Variants in RORA observed in about 807,000 individuals in gnomAD.
RORA encodes nuclear receptor ROR-alpha.
A neutral mutation model predicts 69.5 loss-of-function variants in RORA; 7 were observed. The observed-to-expected ratio is 0.10, with a 90% confidence interval of 0.06 to 0.19. The LOEUF is 0.19. RORA is among the 10% of genes least tolerant of loss of function. RORA has a pLI of 1.00. For synonymous variants in RORA, 261 were observed against 240.8 expected (o/e 1.08, Z -0.78); for missense variants, 457 against 663.0 (o/e 0.69, Z 3.41).
intron 1 of RORA, among the ~76,000 whole-genome samples, chr15:60,895,421 A>G (rs911819493): frequency 2.0e-5 from 3 of 152,262 alleles, no homozygotes; most frequent in African/African-American, 4.8e-5. Context: ...AAAATCTCCT[A>G]TAAAGGCTCT....
At chr15:60,882,832 T>C (rs1465851066) in intron 1 of RORA, among the ~76,000 whole-genome samples, 1 of 152,170 alleles carries the variant, frequency 6.6e-6, no homozygotes, top group Non-Finnish European at 1.5e-5. Flanking sequence ...ACTTACTGAT[T>C]TTATAAGCAG....
chr15:60,732,822 C>T lies in RORA; in HGVS notation c.167-54136G>A, dbSNP rs116122514. ...ACATACACTCACATACTTACAGCTA[C>T]GCACACACACGTGCACTTACATGCT... On this transcript the variant is annotated intron_variant, in intron 1 of 10. Transcript: ENST00000335670. Among the ~76,000 whole-genome samples, 67 of 151,606 alleles carry T rather than the reference C, an allele frequency of 4.4e-4. 1 individual carries two copies. The highest frequency in any genetic ancestry group is 1.3e-3 in the African/African-American group (54 of 40,928).
chr15:61,106,586 C>A (rs2078950995), intron 1 of RORA, among the ~76,000 whole-genome samples: 1 of 152,168 alleles, frequency 6.6e-6, no homozygotes, highest in African/African-American at 2.4e-5. Flanking sequence ...CCTTCCTTAA[C>A]CATTCTGGAC....
intron 1 of RORA, among the ~76,000 whole-genome samples, chr15:60,731,087 A>T (rs1459788391): frequency 6.6e-6 from 1 of 152,122 alleles, no homozygotes; most frequent in Non-Finnish European, 1.5e-5. Flanking sequence ...TCTGTCATAT[A>T]TTGAGGCTAA....
chr15:61,156,321 T>C (rs372585080), intron 1 of RORA, among the ~76,000 whole-genome samples: 1 of 152,186 alleles, frequency 6.6e-6, no homozygotes, highest in Non-Finnish European at 1.5e-5. Context: ...AATGGTCCAA[T>C]AGTGTGGAAA....
intron 1 of RORA, among the ~76,000 whole-genome samples, chr15:60,758,598 A>G (rs1207885253): frequency 6.6e-6 from 1 of 152,148 alleles, no homozygotes; most frequent in Non-Finnish European, 1.5e-5. Context: ...GGTAACAGCT[A>G]ATGCCAAGGA....
chr15:60,790,012 T>C (rs1464682035), intron 1 of RORA, among the ~76,000 whole-genome samples: 1 of 152,204 alleles, frequency 6.6e-6, no homozygotes, highest in African/African-American at 2.4e-5. Context: ...GAAGCCAGAA[T>C]TGATTTCCAA....
chr15:60,520,894 G>A (rs1306113629), intron 3 of RORA, among the ~76,000 whole-genome samples: 1 of 152,182 alleles, frequency 6.6e-6, no homozygotes, highest in Non-Finnish European at 1.5e-5. Flanking sequence ...TGGTGAGCTT[G>A]AGCCAGAGAG....
intron 1 of RORA, among the ~76,000 whole-genome samples, chr15:61,148,096 G>C (rs558971845): frequency 6.6e-6 from 1 of 152,190 alleles, no homozygotes; most frequent in Admixed American, 6.5e-5. Flanking sequence ...CATCGATGCC[G>C]AAGGCGTGAG....
intron 1 of RORA, among the ~76,000 whole-genome samples, chr15:61,091,121 T>C (rs990064264): frequency 6.6e-6 from 1 of 152,206 alleles, no homozygotes; most frequent in Non-Finnish European, 1.5e-5. Flanking sequence ...TAGTTCTTAA[T>C]AATACTTTTT....
chr15:61,123,962 G>A (rs1596008943), intron 1 of RORA, among the ~76,000 whole-genome samples: 3 of 152,158 alleles, frequency 2.0e-5, no homozygotes, highest in Admixed American at 2.0e-4. Context: ...CAAAATCCTC[G>A]AAGTCTCGCT....
rs1243002381 is a variant in RORA at position 60,489,682 on chromosome 15, C to G, written c.*7773G>C. The G allele has an allele frequency of 2.0e-5, 3 of 152,066 alleles. No homozygotes were observed. The highest frequency in any genetic ancestry group is 7.2e-5 in the African/African-American group (3 of 41,416). 9.4% of individuals were successfully genotyped at this position (152,066 alleles called of 1,614,324 possible). ...TCCCATGTCGAATTTGCTTTATGGCCCATGTTATGGCAGAGGACGTCTCCA... is the reference window on the plus strand; with the variant it reads ...TCCCATGTCGAATTTGCTTTATGGCGCATGTTATGGCAGAGGACGTCTCCA... On this transcript the variant is annotated 3_prime_UTR_variant, in exon 11 of 11. Coordinates refer to ENST00000335670, the MANE Select transcript of RORA (RefSeq NM_134261.3).
chr15:60,859,154 C>T (rs1400019519), intron 1 of RORA, among the ~76,000 whole-genome samples: 5 of 152,086 alleles, frequency 3.3e-5, no homozygotes, highest in African/African-American at 9.7e-5. Context: ...ACCTCTAAGA[C>T]CCAGTTCAGG....
rs397936827 is a variant in RORA, at chr15:60,902,293, T to TAAA, written c.167-223610_167-223608dup. On this transcript the variant is annotated intron_variant, in intron 1 of 10. Coordinates refer to ENST00000335670, the MANE Select transcript of RORA (RefSeq NM_134261.3). ...TTTCAATTTTATGATTTTTTTTTTT[T>TAAA]AAAAAACAGAGAGTAACCCAAAGCT... Among the ~76,000 whole-genome samples, 731 of 151,376 alleles carry TAAA rather than the reference T, an allele frequency of 4.8e-3. 4 individuals carry two copies. The highest frequency in any genetic ancestry group is 6.4e-3 in the Admixed American group (97 of 15,236).
At chr15:60,950,312 C>G (rs1277321244) in intron 1 of RORA, among the ~76,000 whole-genome samples, 1 of 140,256 alleles carries the variant, frequency 7.1e-6, no homozygotes, top group Non-Finnish European at 1.5e-5. Flanking sequence ...AAGGAACAAC[C>G]GGTACCAGCC....
Position 60,511,620 on chromosome 15 carries a change from A to T in RORA, c.426T>A (p.Ala142=). The stretch of plus-strand genomic sequence containing the variant: ...TTTTTGACATTCGGCCAAATTTTAC[A>T]GCTGGAAGAAAAAAGCCAAACCATA... ...KCLAVGMSRD[A]VKFGRMSKKQ... is the part of the protein sequence containing the mutation. The change falls in exon 5 of 11, where the codon GCT becomes GCA. Residue 142 remains alanine (A), a splice_region_variant and synonymous_variant. Transcript: ENST00000335670. This position sits in a 1 kb window ranked among gnomAD's most constrained non-coding sequence, Gnocchi z 6.4. The T allele has an allele frequency of 6.2e-7, 1 of 1,602,020 alleles. No homozygotes were observed.
chr15:61,135,688 G>A (rs1317860700), intron 1 of RORA, among the ~76,000 whole-genome samples: 2 of 151,976 alleles, frequency 1.3e-5, no homozygotes, highest in African/African-American at 4.8e-5. Flanking sequence ...CCGGGTACCA[G>A]GGAAGCAGAG....
intron 1 of RORA, among the ~76,000 whole-genome samples, chr15:61,005,381 G>GAGGCAGGAGAATTGCTTGA (rs1450881959): frequency 2.0e-5 from 3 of 152,222 alleles, no homozygotes; most frequent in African/African-American, 7.2e-5. Flanking sequence ...TCAGGAGGCT[G>GAGGCAGGAGAATTGCTTGA]AGGCAGGAGA....
intron 1 of RORA, chr15:61,041,023 C>T (rs2140470290): frequency 6.6e-6 from 1 of 152,140 alleles, no homozygotes; most frequent in South Asian, 2.1e-4. Flanking sequence ...TTACTGGAAG[C>T]TAAAATAACT....
Sources: gnomAD v4.1 joint callset for allele counts (sites outside exome capture counted in the v4.1 genomes callset) on GRCh38, gnomAD v4.1.1 for gene constraint, Gnocchi (gnomAD v3.1) non-coding constraint, MANE v1.5 for transcripts, NCBI Gene and HGNC (gene_info 2026-07-23, HGNC 2026-07-21) for gene names.